The following AMBP variants were observed in gnomAD, a reference collection of about 807,000 sequenced individuals.
AMBP encodes alpha-1-microglobulin/bikunin precursor, also known as protein AMBP.
AMBP carries 37 observed loss-of-function variants against 46.3 expected under a neutral mutation model. The ratio of observed to expected loss-of-function variants is 0.80; its 90% confidence interval spans 0.61 to 1.05. AMBP has a LOEUF of 1.05. AMBP is among the 50% of genes least tolerant of loss of function. AMBP has a pLI of 0.00. For synonymous variants in AMBP, 174 were observed against 175.9 expected (o/e 0.99, Z 0.09); for missense variants, 475 against 461.2 (o/e 1.03, Z -0.27).
At chr9:114,076,813 C>T (rs1288064915) in intron 1 of AMBP, 73 bp from the exon 2 acceptor site, 28 of 1,541,268 alleles carry the variant, frequency 1.8e-5, no homozygotes, top group Non-Finnish European at 2.4e-5. Context: ...ACATCTGCTC[C>T]CCACCCTCCA....
intron 5 of AMBP, among the ~76,000 whole-genome samples, chr9:114,071,386 GC>G (rs1308271811): frequency 6.6e-6 from 1 of 152,260 alleles, no homozygotes; most frequent in Non-Finnish European, 1.5e-5. Context: ...CCAGCTCCCA[GC>G]TGCCTCAGCC....
At position 114,074,089 on chromosome 9, in the gene AMBP, AG is replaced by A; in HGVS notation, c.400del (p.Leu134Ter). 1 of 1,614,154 alleles carries A rather than the reference AG, an allele frequency of 6.2e-7. No homozygotes were observed. Among genetic ancestry groups the A allele is most frequent in the South Asian group, 1.1e-5 (1 of 91,078 alleles). ...ATGATGGCGGCTGAATTTCTTGGTC[AG>A]GAAAATGGCATACTCATCATAGTTG... ...HTNYDEYAIF[L>X]TKKFSRHHGP... On this transcript the variant is annotated frameshift_variant, in exon 4 of 10. Coordinates refer to ENST00000265132, the MANE Select transcript of AMBP (RefSeq NM_001633.4). LOFTEE classifies it high-confidence loss of function.
At chr9:114,069,575 G>T in intron 6 of AMBP, 124 bp downstream of exon 6, 1 of 925,348 alleles carries the variant, frequency 1.1e-6, no homozygotes, top group Non-Finnish European at 1.7e-6. Context: ...CATGGCCATC[G>T]CTGCCTTCTC....
intron 5 of AMBP, 127 bp downstream of exon 5, chr9:114,072,798 G>A (rs976047950): frequency 2.8e-6 from 2 of 722,586 alleles, no homozygotes; most frequent in African/African-American, 1.8e-5. Flanking sequence ...GATTCACTAT[G>A]GAGGGGAGGC....
chr9:114,062,021 G>A lies in AMBP; in HGVS notation c.686-430C>T, dbSNP rs140953215. 6.6e-4 allele frequency among the ~76,000 whole-genome samples: 100 copies of A among 152,236 alleles called. 1 individual carries two copies. The East Asian group carries it at 0.019, about 29-fold the overall frequency. On this transcript the variant is annotated intron_variant, in intron 7 of 9. Coordinates refer to ENST00000265132, the MANE Select transcript of AMBP (RefSeq NM_001633.4). Reference sequence around the variant, plus strand: ...GCCACCCTCCATAAAACTTTACCTGGATGCCTGGACACAGTGTGAATTCCC... The same window carrying A: ...GCCACCCTCCATAAAACTTTACCTGAATGCCTGGACACAGTGTGAATTCCC...
intron 4 of AMBP, among the ~76,000 whole-genome samples, chr9:114,073,493 G>GTTTTTTTTTTT (rs59522385): frequency 9.3e-6 from 1 of 107,300 alleles, no homozygotes; most frequent in African/African-American, 3.5e-5. Flanking sequence ...CTCAATCCCT[G>GTTTTTTTTTTT]TTTTTTTTTT....
Position 114,078,104 on chromosome 9 carries a change from T to C in AMBP, c.106A>G (p.Asn36Asp). The change falls in exon 1 of 10, where the codon AAT becomes GAT. Residue 36 changes from asparagine to aspartate, a missense_variant. Asn to Asp is a conservative substitution (Grantham distance 23). This residue lies in a region of AMBP where 179 missense variants were observed against 167.4 expected (regional missense o/e 1.07). Transcript: ENST00000265132. Reference protein sequence around the residue: ...PDNIQVQENFNISRIYGKWYN... With the variant: ...PDNIQVQENFDISRIYGKWYN... ...AGCGGCAGCCTTACCCGAGAGATATTGAAGTTTTCCTGCACTTGGATGTTG... is the reference window on the plus strand; with the variant it reads ...AGCGGCAGCCTTACCCGAGAGATATCGAAGTTTTCCTGCACTTGGATGTTG... 6.2e-7 allele frequency: 1 copy of C among 1,613,858 alleles called. No homozygotes were observed.
At chr9:114,061,333 C>A in intron 8 of AMBP, 91 bp downstream of exon 8, 2 of 1,583,582 alleles carry the variant, frequency 1.3e-6, no homozygotes, top group African/African-American at 2.7e-5. Flanking sequence ...GGAATGCCCT[C>A]TGTTAGCTAC....
chr9:114,073,804 TG>T (rs1409189150), intron 4 of AMBP, among the ~76,000 whole-genome samples: 2 of 152,172 alleles, frequency 1.3e-5, no homozygotes, highest in Non-Finnish European at 2.9e-5. Context: ...CAGTCCCCAC[TG>T]GTTCTTTTAA....
chr9:114,073,966 C>T (rs1339091993), intron 4 of AMBP, 70 bp downstream of exon 4: 15 of 1,452,428 alleles, frequency 1.0e-5, no homozygotes, highest in African/African-American at 1.4e-5. Flanking sequence ...TGCTTACCCA[C>T]TCCACTGTCC....
At position 114,061,406 on chromosome 9, in the gene AMBP, G is replaced by T. The variant is rs369949875; in HGVS notation, c.853+18C>A. The stretch of plus-strand genomic sequence containing the variant: ...TCTTGAGGGTGCAGAGCGCACAGGG[G>T]TGGGGACCCGCACTCACCCACAGTT... On this transcript the variant is annotated intron_variant, in intron 8 of 9. Coordinates refer to ENST00000265132, the MANE Select transcript of AMBP (RefSeq NM_001633.4). 2.5e-6 allele frequency: 4 copies of T among 1,614,000 alleles called. No individual in the cohort carries two copies. The East Asian group carries it at 8.9e-5, about 36-fold the overall frequency.
chr9:114,074,892 G>A, intron 3 of AMBP, 68 bp downstream of exon 3: 2 of 1,378,038 alleles, frequency 1.5e-6, no homozygotes, highest in Non-Finnish European at 2.1e-6. Flanking sequence ...GAGGCAGAGG[G>A]AGCTGAGGAC....
chr9:114,062,629 T>G, intron 7 of AMBP, 48 bp downstream of exon 7: 2 of 1,592,904 alleles, frequency 1.3e-6, no homozygotes, highest in Non-Finnish European at 1.7e-6. Context: ...TGTGGGCCCT[T>G]CCTTTCTGGA....
chr9:114,075,019 T>A lies in AMBP; in HGVS notation c.278A>T (p.Glu93Val). Residue 93 changes from glutamate (E) to valine (V), a missense_variant, in exon 3 of 10, where the codon GAG becomes GTG. Around this residue, in one of 3 missense-constraint regions of AMBP, gnomAD observed 179 missense variants for 167.4 expected, o/e 1.07. Coordinates refer to ENST00000265132, the MANE Select transcript of AMBP (RefSeq NM_001633.4). ...STRWRKGVCEETSGAYEKTDT... is the reference protein window; with the variant it reads ...STRWRKGVCEVTSGAYEKTDT... ...TGTTTTCTCATAAGCTCCAGACGTC[T>A]CCTCACAGACACCTTTCCTAGAAAT... 6.2e-7 allele frequency: 1 copy of A among 1,614,042 alleles called. No individual in the cohort carries two copies.
intron 5 of AMBP, among the ~76,000 whole-genome samples, chr9:114,070,622 C>T (rs906577687): frequency 6.6e-6 from 1 of 152,206 alleles, no homozygotes; most frequent in African/African-American, 2.4e-5. Context: ...CAGTGCTGCA[C>T]TTGCACACAG....
At position 114,061,537 on chromosome 9, in the gene AMBP, T is replaced by C; in HGVS notation, c.740A>G (p.Tyr247Cys). 1.2e-6 allele frequency: 2 copies of C among 1,613,712 alleles called. No individual in the cohort carries two copies. The highest frequency in any genetic ancestry group is 1.7e-6 in the Non-Finnish European group (2 of 1,179,744). Residue 247 changes from tyrosine (Y) to cysteine (C), a missense_variant, in exon 8 of 10, where the codon TAT (tyrosine) becomes TGT (cysteine). Tyr to Cys is a radical substitution (Grantham distance 194). Coordinates refer to ENST00000265132, the MANE Select transcript of AMBP (RefSeq NM_001633.4). ...AGPCMGMTSR[Y>C]FYNGTSMACE... ...GGCCATGGATGTACCATTATAGAAA[T>C]ACCTGCTGGTCATTCCCATGCAGGG...
intron 6 of AMBP, 49 bp downstream of exon 6, chr9:114,069,650 A>G (rs749723384): frequency 1.0e-4 from 133 of 1,267,248 alleles, no homozygotes; most frequent in Non-Finnish European, 4.2e-6. Flanking sequence ...TGCCTGGGGC[A>G]GAGTGGGGTG....
chr9:114,069,670 G>A (rs1846724137), intron 6 of AMBP, 29 bp downstream of exon 6: 4 of 1,598,470 alleles, frequency 2.5e-6, no homozygotes, highest in South Asian at 2.3e-5. Flanking sequence ...GGGATGGGGT[G>A]GGATGGGGTC....
chr9:114,066,497 T>C (rs1323189824), intron 6 of AMBP, among the ~76,000 whole-genome samples: 3 of 151,772 alleles, frequency 2.0e-5, no homozygotes, highest in African/African-American at 7.3e-5. Flanking sequence ...CGCAGAATGC[T>C]GGGATTATAC....
Sources: gnomAD v4.1 joint callset for allele counts (sites outside exome capture counted in the v4.1 genomes callset) on GRCh38, gnomAD v4.1.1 for gene constraint, gnomAD v4.1.1 regional missense constraint, MANE v1.5 for transcripts, NCBI Gene and HGNC (gene_info 2026-07-23, HGNC 2026-07-21) for gene names.